TMEM40: variants seen among roughly 807,000 people sequenced by gnomAD.
TMEM40 encodes transmembrane protein 40.
A neutral mutation model predicts 40.8 loss-of-function variants in TMEM40; 34 were observed. The ratio of observed to expected loss-of-function variants is 0.83; its 90% CI spans 0.63 to 1.11. The LOEUF is 1.11. Ranked by LOEUF, TMEM40 falls within the 50% of genes least tolerant of loss-of-function variation. The pLI, the probability that TMEM40 is intolerant of heterozygous loss-of-function variation, is 0.00. For missense variants in TMEM40, 296 were observed against 280.2 expected (o/e 1.06, Z -0.40); for synonymous variants, 106 against 107.0 (o/e 0.99, Z 0.06).
At chr3:12,751,417 G>A (rs1488304302) in intron 1 of TMEM40, among the ~76,000 whole-genome samples, 12 of 151,454 alleles carry the variant, frequency 7.9e-5, no homozygotes, top group Admixed American at 7.9e-4. Context: ...GAGTAGCTGG[G>A]ATTACAGGCG....
chr3:12,745,785 T>G (rs1377450669), intron 3 of TMEM40, among the ~76,000 whole-genome samples: 14 of 151,908 alleles, frequency 9.2e-5, no homozygotes, highest in Admixed American at 9.2e-4. Flanking sequence ...TTATGGAATA[T>G]ATGCTGTTTA....
intron 1 of TMEM40, among the ~76,000 whole-genome samples, chr3:12,757,560 G>T (rs2061538545): frequency 6.6e-6 from 1 of 151,992 alleles, no homozygotes. Context: ...ACACCCACTA[G>T]GGTGGCTTAC....
chr3:12,767,946 T>C (rs997421454), intron 1 of TMEM40, among the ~76,000 whole-genome samples: 2 of 152,136 alleles, frequency 1.3e-5, no homozygotes, highest in Non-Finnish European at 2.9e-5. Context: ...AAGAGCAGAA[T>C]GGAACACTAA....
At chr3:12,737,295 A>G (rs6442327) in intron 8 of TMEM40, among the ~76,000 whole-genome samples, 88,193 of 151,420 alleles carry the variant, frequency 0.58, 27,422 homozygotes, top group African/African-American at 0.8. Flanking sequence ...GGAGCAGGGA[A>G]GTTGCTCCCA....
chr3:12,736,970 C>G lies in TMEM40; in HGVS notation c.473-135G>C, dbSNP rs146461431. The G allele has an allele frequency of 1.5e-4, 166 of 1,136,346 alleles. No homozygotes were observed. The African/African-American group carries it at 2.1e-3, about 15-fold the overall frequency. The allele number at this position is 1,136,346 out of a possible 1,614,324, so 70.4% of individuals were successfully genotyped here. A position where few individuals can be genotyped will look rare whatever the true frequency, so the allele number is the denominator to read the frequency against. ...CCCAGCTCATTGCAGCCTTGAAGTCCTGGGCTTAAGCAATTCTCCTGCTTT... is the reference window on the plus strand; with the variant it reads ...CCCAGCTCATTGCAGCCTTGAAGTCGTGGGCTTAAGCAATTCTCCTGCTTT... On this transcript the variant is annotated intron_variant, in intron 8 of 11. Coordinates refer to ENST00000314124, the MANE Select transcript of TMEM40 (RefSeq NM_018306.4).
At chr3:12,768,231 G>A (rs2061603445) in intron 1 of TMEM40, among the ~76,000 whole-genome samples, 1 of 152,124 alleles carries the variant, frequency 6.6e-6, no homozygotes. Flanking sequence ...GGCCTCAGAA[G>A]TGAGCCTGCA....
intron 7 of TMEM40, 129 bp from the exon 8 acceptor site, chr3:12,737,883 G>A (rs2106606155): frequency 9.8e-7 from 1 of 1,022,950 alleles, no homozygotes; most frequent in Non-Finnish European, 1.5e-6. Context: ...CTCACTGCAG[G>A]ACCAGTCAAA....
Position 12,736,660 on chromosome 3 carries a change from G to T in TMEM40, c.545-8C>A. The T allele has an allele frequency of 6.2e-7, 1 of 1,609,096 alleles. No individual in the cohort carries two copies. Among genetic ancestry groups the T allele is most frequent in the Non-Finnish European group, 8.5e-7 (1 of 1,177,578 alleles). Reference sequence around the variant, plus strand: ...CAAGAGACATGAACCAGTCTGGAAGGGCAGTGAGGGAGGGAATGGTCAGCC... The same window carrying T: ...CAAGAGACATGAACCAGTCTGGAAGTGCAGTGAGGGAGGGAATGGTCAGCC... On this transcript the variant is annotated splice_polypyrimidine_tract_variant and splice_region_variant and intron_variant, in intron 9 of 11. Coordinates refer to ENST00000314124, the MANE Select transcript of TMEM40 (RefSeq NM_018306.4).
rs1300372569 is a variant in TMEM40, at chr3:12,756,810, T to TCA, written c.-9+2379_-9+2380dup. Among the ~76,000 whole-genome samples the TCA allele has an allele frequency of 6.0e-5, 9 of 151,256 alleles. No individual in the cohort carries two copies. In the East Asian group the frequency reaches 7.7e-4, roughly 13 times the overall value. On this transcript the variant is annotated intron_variant, in intron 1 of 11. Transcript: ENST00000314124. ...CTCTCTCTATCTCTTTCTCTCTCTC[T>TCA]CACACACACACACTCTGTCTCTCAC...
In TMEM40 at chr3:12,757,362, G is replaced by A. The variant is rs192435542; in HGVS notation, c.-9+1829C>T. Among the ~76,000 whole-genome samples, 402 of 151,930 alleles carry A rather than the reference G, an allele frequency of 2.6e-3. 1 individual carries two copies. Among genetic ancestry groups the A allele is most frequent in the African/African-American group, 9.2e-3 (382 of 41,432 alleles). ...CAGGTGCCTGTAATCCCAGCTACTCGGGAGGCTGAGGCAGGAGAATCACTT... is the reference window on the plus strand; with the variant it reads ...CAGGTGCCTGTAATCCCAGCTACTCAGGAGGCTGAGGCAGGAGAATCACTT... On this transcript the variant is annotated intron_variant, in intron 1 of 11. Coordinates refer to ENST00000314124, the MANE Select transcript of TMEM40 (RefSeq NM_018306.4).
At chr3:12,747,142 G>A (rs2061435223) in intron 3 of TMEM40, among the ~76,000 whole-genome samples, 1 of 151,904 alleles carries the variant, frequency 6.6e-6, no homozygotes, top group Non-Finnish European at 1.5e-5. Context: ...TGTGGCTTTG[G>A]GCCTTGGTCT....
intron 1 of TMEM40, among the ~76,000 whole-genome samples, chr3:12,756,858 A>G (rs2061532457): frequency 6.6e-6 from 1 of 150,778 alleles, no homozygotes; most frequent in African/African-American, 2.4e-5. Context: ...ACATATACAC[A>G]CTCTCTCTCT....
chr3:12,748,500 C>T (rs1003513601), intron 3 of TMEM40, among the ~76,000 whole-genome samples, 155 bp downstream of exon 3: 6 of 152,120 alleles, frequency 3.9e-5, no homozygotes, highest in South Asian at 4.1e-4. Flanking sequence ...TAACTGTGTA[C>T]GTAGAAGCAC....
At chr3:12,762,091 T>G (rs2061571348), upstream of TMEM40, among the ~76,000 whole-genome samples, 1 of 152,058 alleles carries the variant, frequency 6.6e-6, no homozygotes, top group Non-Finnish European at 1.5e-5. Context: ...GCCTCCCCAG[T>G]AGCTGGGACT....
At chr3:12,736,979 A>C (rs2061342833) in intron 8 of TMEM40, 144 bp from the exon 9 acceptor site, 1 of 1,049,642 alleles carries the variant, frequency 9.5e-7, no homozygotes, top group African/African-American at 1.6e-5. Context: ...CCTGGGCTTA[A>C]GCAATTCTCC....
chr3:12,741,785 GAA>G lies in TMEM40; in HGVS notation c.355+667_355+668del, dbSNP rs2061384326. ...TTTGTAACAAAAAAAAAAAAAAAAA[GAA>G]AGAAGGAAAGAAAGAAAGAAAGAAG... is the stretch of plus-strand genomic sequence containing the variant. On this transcript the variant is annotated intron_variant, in intron 5 of 11. Transcript: ENST00000314124. Among the ~76,000 whole-genome samples, 5 of 133,152 alleles carry G rather than the reference GAA, an allele frequency of 3.8e-5. No individual in the cohort carries two copies. In the South Asian group the frequency reaches 1.2e-3, roughly 31 times the overall value. The allele number at this position is 133,152 out of a possible 152,430, so 87.4% of individuals were successfully genotyped here.
At chr3:12,767,238 G>C (rs1286859549) in intron 1 of TMEM40, among the ~76,000 whole-genome samples, 1 of 152,108 alleles carries the variant, frequency 6.6e-6, no homozygotes, top group Admixed American at 6.5e-5. Flanking sequence ...TGTCAGCCCT[G>C]ATACTGGCTT....
upstream of TMEM40, among the ~76,000 whole-genome samples, chr3:12,761,739 C>T (rs548370465): frequency 2.6e-5 from 4 of 152,108 alleles, no homozygotes; most frequent in South Asian, 2.1e-4. Flanking sequence ...GGGACAGGGT[C>T]GTGGGAAGTT....
At position 12,748,716 on chromosome 3, in the gene TMEM40, A is replaced by G; in HGVS notation, c.150T>C (p.Ser50=). The change falls in exon 3 of 12, where the codon TCT becomes TCC. Residue 50 remains serine, a synonymous_variant. Coordinates refer to ENST00000314124, the MANE Select transcript of TMEM40 (RefSeq NM_018306.4). ...AGGAGGAAGAGGAGGAGGAGGAAGAAGACTTGTTTCTCTCATATTGTTCTT... is the reference window on the plus strand; with the variant it reads ...AGGAGGAAGAGGAGGAGGAGGAAGAGGACTTGTTTCTCTCATATTGTTCTT... ...FSQEQYERNK[S]SSSSSSSSSS... 6.2e-7 allele frequency: 1 copy of G among 1,614,096 alleles called. No individual in the cohort carries two copies. Among genetic ancestry groups the G allele is most frequent in the South Asian group, 1.1e-5 (1 of 91,078 alleles).
Sources: allele counts gnomAD v4.1 joint callset (sites outside exome capture counted in the v4.1 genomes callset), GRCh38; gene constraint gnomAD v4.1.1; transcripts MANE v1.5; gene names NCBI Gene and HGNC (gene_info 2026-07-23, HGNC 2026-07-21).